GABRG3: variants seen among roughly 807,000 people sequenced by gnomAD.
The protein encoded by GABRG3 is gamma-aminobutyric acid receptor subunit gamma-3.
A neutral mutation model predicts 48.8 loss-of-function variants in GABRG3; 25 were observed. The observed-to-expected ratio is 0.51, with a 90% confidence interval of 0.37 to 0.72. The LOEUF is 0.72. Ranked by LOEUF, GABRG3 falls within the 30% of genes least tolerant of loss-of-function variation. GABRG3 has a pLI of 0.00. For synonymous variants in GABRG3, 227 were observed against 217.6 expected, an observed-to-expected ratio of 1.04 and a Z score of -0.38; for missense variants, 394 against 577.9, an observed-to-expected ratio of 0.68 and a Z score of 3.26.
chr15:27,407,071 G>A (rs569078507), intron 5 of GABRG3, among the ~76,000 whole-genome samples: 1 of 151,980 alleles, frequency 6.6e-6, no homozygotes, highest in African/African-American at 2.4e-5. Flanking sequence ...GCGATTAGGG[G>A]CACGTGCGAC....
At chr15:27,376,048 A>G (rs778207985) in intron 5 of GABRG3, among the ~76,000 whole-genome samples, 141 of 152,352 alleles carry the variant, frequency 9.3e-4, no homozygotes, top group Admixed American at 2.0e-3. Context: ...TTGGGTAAAT[A>G]CAGCCATTCC....
intron 3 of GABRG3, among the ~76,000 whole-genome samples, chr15:27,317,696 G>A (rs756245819): frequency 1.3e-5 from 2 of 152,176 alleles, no homozygotes; most frequent in Non-Finnish European, 2.9e-5. Flanking sequence ...CCAACTTCAC[G>A]CTGGTGAAGC....
At chr15:27,110,771 G>A (rs1407990996) in intron 3 of GABRG3, among the ~76,000 whole-genome samples, 1 of 151,846 alleles carries the variant, frequency 6.6e-6, no homozygotes, top group Non-Finnish European at 1.5e-5. Flanking sequence ...CACTTCTATA[G>A]GTGTGGTGTT....
At chr15:26,993,689 A>G (rs1038736691) in intron 2 of GABRG3, among the ~76,000 whole-genome samples, 5 of 152,012 alleles carry the variant, frequency 3.3e-5, no homozygotes, top group Admixed American at 1.3e-4. Context: ...CCTTGAATGC[A>G]GTGTTCTGTG....
intron 3 of GABRG3, among the ~76,000 whole-genome samples, chr15:27,052,375 G>A (rs1189392436): frequency 6.6e-6 from 1 of 152,234 alleles, no homozygotes; most frequent in Non-Finnish European, 1.5e-5. Context: ...CATAGCCAGT[G>A]GCCAGTGGGG....
intron 3 of GABRG3, among the ~76,000 whole-genome samples, chr15:27,108,983 A>G (rs1281039987): frequency 6.6e-6 from 1 of 152,152 alleles, no homozygotes; most frequent in East Asian, 1.9e-4. Context: ...GAAAGCAGCT[A>G]AGAGATCTCT....
At position 26,971,334 on chromosome 15, in the gene GABRG3, C is replaced by A; in HGVS notation, c.-202C>A. 9.5e-6 allele frequency: 3 copies of A among 315,826 alleles called. No homozygotes were observed. The highest frequency in any genetic ancestry group is 1.7e-5 in the Non-Finnish European group (3 of 175,720). The allele number at this position is 315,826 out of a possible 1,614,324, so 19.6% of individuals were successfully genotyped here. A position where few individuals can be genotyped will look rare whatever the true frequency, so the allele number is the denominator to read the frequency against. ...GTGCGCGGGTGGGGGCGGCGCGCCGCGGTGGCCCGGCGTCCCGTGTGCGTC... is the reference window on the plus strand; with the variant it reads ...GTGCGCGGGTGGGGGCGGCGCGCCGAGGTGGCCCGGCGTCCCGTGTGCGTC... On this transcript the variant is annotated 5_prime_UTR_variant, in exon 1 of 10. Transcript: ENST00000615808.
intron 5 of GABRG3, among the ~76,000 whole-genome samples, chr15:27,417,573 C>T (rs1887978337): frequency 1.3e-5 from 2 of 152,172 alleles, no homozygotes; most frequent in Non-Finnish European, 2.9e-5. Flanking sequence ...AGGTCCACAG[C>T]TCATCGGCCT....
chr15:27,055,959 A>G (rs1896537916), intron 3 of GABRG3, among the ~76,000 whole-genome samples: 1 of 152,214 alleles, frequency 6.6e-6, no homozygotes, highest in African/African-American at 2.4e-5. Context: ...ACAATGTGAC[A>G]CTTTGATACA....
intron 6 of GABRG3, among the ~76,000 whole-genome samples, chr15:27,503,470 G>A (rs1012689306): frequency 6.6e-6 from 1 of 152,042 alleles, no homozygotes; most frequent in Non-Finnish European, 1.5e-5. Context: ...CAGGAATCCT[G>A]TATCAGTGGA....
At chr15:27,334,637 T>C (rs971126426) in intron 5 of GABRG3, among the ~76,000 whole-genome samples, 1 of 152,184 alleles carries the variant, frequency 6.6e-6, no homozygotes, top group African/African-American at 2.4e-5. Flanking sequence ...AGTATGCAAG[T>C]AGCATATATC....
At position 27,352,263 on chromosome 15, in the gene GABRG3, C is replaced by T. The variant is rs1460023046; in HGVS notation, c.574+23375C>T. Reference sequence around the variant, plus strand: ...GACCGTTCAGCTAATCTCCGTCTCGCGCTCACTGTTCACAGCGTAAATCCA... The same window carrying T: ...GACCGTTCAGCTAATCTCCGTCTCGTGCTCACTGTTCACAGCGTAAATCCA... On this transcript the variant is annotated intron_variant, in intron 5 of 9. Coordinates refer to ENST00000615808, the MANE Select transcript of GABRG3 (RefSeq NM_033223.5). This position sits in a 1 kb window ranked among gnomAD's most constrained non-coding sequence, Gnocchi z 4.0. 6.6e-6 allele frequency among the ~76,000 whole-genome samples: 1 copy of T among 151,846 alleles called. No individual in the cohort carries two copies. The highest frequency in any genetic ancestry group is 1.5e-5 in the Non-Finnish European group (1 of 67,968).
At chr15:27,120,496 T>C (rs1056653655) in intron 3 of GABRG3, among the ~76,000 whole-genome samples, 9 of 152,230 alleles carry the variant, frequency 5.9e-5, no homozygotes, top group African/African-American at 2.2e-4. Flanking sequence ...ATTCTGGCTA[T>C]TGCTTTTGCC....
chr15:27,117,993 A>G (rs1897671552), intron 3 of GABRG3, among the ~76,000 whole-genome samples: 1 of 152,218 alleles, frequency 6.6e-6, no homozygotes, highest in African/African-American at 2.4e-5. Flanking sequence ...TCCCGTACTT[A>G]ACCAATGTAC....
At chr15:27,481,791 A>G (rs910340728) in intron 6 of GABRG3, among the ~76,000 whole-genome samples, 5 of 152,170 alleles carry the variant, frequency 3.3e-5, no homozygotes, top group African/African-American at 1.2e-4. Context: ...ATAATGGAAC[A>G]CCACAATTTA....
Position 27,341,964 on chromosome 15 carries a change from T to C in GABRG3, c.574+13076T>C, listed in dbSNP as rs1411870645. On this transcript the variant is annotated intron_variant, in intron 5 of 9. Coordinates refer to ENST00000615808, the MANE Select transcript of GABRG3 (RefSeq NM_033223.5). ...TGCTGTTGCAGAGCTGTCAGAGATG[T>C]CTGAGAATGTTGCCTGGCTTTCTGA... 3.3e-5 allele frequency among the ~76,000 whole-genome samples: 5 copies of C among 152,374 alleles called. No individual in the cohort carries two copies. The East Asian group carries it at 9.6e-4, about 29-fold the overall frequency.
At chr15:27,446,337 G>A (rs1254567621) in intron 5 of GABRG3, among the ~76,000 whole-genome samples, 3 of 151,908 alleles carry the variant, frequency 2.0e-5, no homozygotes, top group East Asian at 1.9e-4. Flanking sequence ...TAGGACATTC[G>A]TGTGCTTCTG....
intron 3 of GABRG3, among the ~76,000 whole-genome samples, chr15:27,312,226 A>G (rs1283160526): frequency 6.6e-6 from 1 of 152,164 alleles, no homozygotes; most frequent in Admixed American, 6.5e-5. Flanking sequence ...AGTGAACATG[A>G]AGACAGGTCA....
chr15:27,287,000 G>A (rs1891635645), intron 3 of GABRG3, among the ~76,000 whole-genome samples: 1 of 152,190 alleles, frequency 6.6e-6, no homozygotes, highest in South Asian at 2.1e-4. Flanking sequence ...TGCTGCGGTT[G>A]TTAAGTGGAG....
Sources: allele counts gnomAD v4.1 joint callset (sites outside exome capture counted in the v4.1 genomes callset), GRCh38; gene constraint gnomAD v4.1.1; non-coding constraint Gnocchi (gnomAD v3.1); transcripts MANE v1.5; gene names NCBI Gene and HGNC (gene_info 2026-07-23, HGNC 2026-07-21).